CNTNAP2: variants seen among roughly 807,000 people sequenced by gnomAD.
CNTNAP2 encodes the protein contactin associated protein 2.
In CNTNAP2, 98 loss-of-function variants were observed where a neutral mutation model predicts 155.2. The observed-to-expected ratio is 0.63, with a 90% CI of 0.54 to 0.75. CNTNAP2 has a LOEUF of 0.75. CNTNAP2 is among the 30% of genes least tolerant of loss of function. The pLI is 0.00. For synonymous variants in CNTNAP2, 651 were observed against 631.2 expected, an observed-to-expected ratio of 1.03 and a Z score of -0.47; for missense variants, 1,727 against 1,688.1, an observed-to-expected ratio of 1.02 and a Z score of -0.40.
intron 13 of CNTNAP2, among the ~76,000 whole-genome samples, chr7:147,901,487 A>G (rs1799866322): frequency 6.6e-6 from 1 of 152,176 alleles, no homozygotes; most frequent in Non-Finnish European, 1.5e-5. Flanking sequence ...ATCTCTTACT[A>G]TCTACTACTG....
intron 1 of CNTNAP2, among the ~76,000 whole-genome samples, chr7:146,710,822 C>T (rs1410461386): frequency 6.6e-6 from 1 of 151,970 alleles, no homozygotes; most frequent in Non-Finnish European, 1.5e-5. Context: ...TGTCACAAGA[C>T]TGTAGGATAT....
chr7:148,406,502 G>A (rs577667723), intron 22 of CNTNAP2, among the ~76,000 whole-genome samples: 1 of 152,220 alleles, frequency 6.6e-6, no homozygotes, highest in African/African-American at 2.4e-5. Context: ...CTGCAAGCTG[G>A]GACTTCCTCA....
intron 11 of CNTNAP2, among the ~76,000 whole-genome samples, chr7:147,541,495 T>G (rs1472543887): frequency 1.3e-5 from 2 of 152,180 alleles, no homozygotes; most frequent in Non-Finnish European, 2.9e-5. Flanking sequence ...GTGAGGGAGA[T>G]AGATCACATG....
At chr7:147,344,194 T>A (rs1185218191) in intron 9 of CNTNAP2, among the ~76,000 whole-genome samples, 1 of 152,130 alleles carries the variant, frequency 6.6e-6, no homozygotes, top group Admixed American at 6.6e-5. Flanking sequence ...GTAGCGCTGA[T>A]TTAGAATCAT....
intron 14 of CNTNAP2, among the ~76,000 whole-genome samples, chr7:147,904,675 G>A (rs886600665): frequency 1.3e-5 from 2 of 152,040 alleles, no homozygotes; most frequent in Non-Finnish European, 2.9e-5. Context: ...TTCTGAGAAC[G>A]TAACTTTATA....
In CNTNAP2 at chr7:146,416,658, G is replaced by C. The variant is rs185291869; in HGVS notation, c.97+299685G>C. On this transcript the variant is annotated intron_variant, in intron 1 of 23. Transcript: ENST00000361727. ...ATTTAAAGCCATAAAATCATACAGA[G>C]GCAAAAGGACTTCTTGGAGCTCTGT... is the stretch of plus-strand genomic sequence containing the variant. Among the ~76,000 whole-genome samples the C allele has an allele frequency of 1.4e-4, 22 of 152,194 alleles. No homozygotes were observed. In the Middle Eastern group the frequency reaches 0.01, roughly 71 times the overall value.
intron 1 of CNTNAP2, among the ~76,000 whole-genome samples, chr7:146,495,346 T>G (rs1018716284): frequency 6.6e-6 from 1 of 152,314 alleles, no homozygotes; most frequent in Admixed American, 6.5e-5. Flanking sequence ...GACCACAGAA[T>G]AGAGACAATA....
chr7:146,552,619 T>C (rs1459038183), intron 1 of CNTNAP2, among the ~76,000 whole-genome samples: 1 of 152,052 alleles, frequency 6.6e-6, no homozygotes, highest in Non-Finnish European at 1.5e-5. Flanking sequence ...TCCTTCTTTC[T>C]TTCCTCCCCC....
At chr7:146,674,932 A>C (rs1800371773) in intron 1 of CNTNAP2, among the ~76,000 whole-genome samples, 1 of 152,222 alleles carries the variant, frequency 6.6e-6, no homozygotes, top group African/African-American at 2.4e-5. Context: ...CTTTACAACC[A>C]GAAAATTCAT....
intron 13 of CNTNAP2, among the ~76,000 whole-genome samples, chr7:147,880,266 T>C (rs912771109): frequency 6.6e-6 from 1 of 152,110 alleles, no homozygotes; most frequent in African/African-American, 2.4e-5. Flanking sequence ...GTGGACAAAG[T>C]TTTGTGTATG....
chr7:147,492,860 C>A (rs1186956650), intron 11 of CNTNAP2, among the ~76,000 whole-genome samples: 1 of 152,154 alleles, frequency 6.6e-6, no homozygotes, highest in Non-Finnish European at 1.5e-5. Context: ...CATCTCTCCG[C>A]CCCCGCTCCT....
chr7:147,241,758 C>A (rs941185033), intron 8 of CNTNAP2, among the ~76,000 whole-genome samples: 82 of 151,184 alleles, frequency 5.4e-4, no homozygotes, highest in Non-Finnish European at 2.1e-4. Flanking sequence ...GTTGAAACAA[C>A]TGAGAGGTGA....
At chr7:148,153,311 C>CCAAAAGGGTT (rs1204784162) in intron 17 of CNTNAP2, among the ~76,000 whole-genome samples, 1 of 150,992 alleles carries the variant, frequency 6.6e-6, no homozygotes, top group Non-Finnish European at 1.5e-5. Flanking sequence ...AGCTGTCATC[C>CCAAAAGGGTT]CAAAAGGGTT....
At chr7:147,331,779 C>T (rs541744636) in intron 9 of CNTNAP2, among the ~76,000 whole-genome samples, 26 of 152,274 alleles carry the variant, frequency 1.7e-4, no homozygotes, top group African/African-American at 6.0e-4. Flanking sequence ...TGGCCACTGG[C>T]CAGACCTTGT....
chr7:148,301,306 A>ATATATATATATATATATATATATATATAT (rs1554414674), intron 21 of CNTNAP2, among the ~76,000 whole-genome samples: 2 of 103,850 alleles, frequency 1.9e-5, no homozygotes, highest in Non-Finnish European at 3.9e-5. Flanking sequence ...AAAAAAAAAA[A>ATATATATATATATATATATATATATATAT]ATATATATAT....
At chr7:146,660,928 A>T (rs1436251116) in intron 1 of CNTNAP2, among the ~76,000 whole-genome samples, 1 of 152,150 alleles carries the variant, frequency 6.6e-6, no homozygotes, top group African/African-American at 2.4e-5. Flanking sequence ...GAGGCGGGGA[A>T]TGTGGAAGGA....
chr7:146,117,708 G>T (rs1238381681), intron 1 of CNTNAP2, among the ~76,000 whole-genome samples: 2 of 151,818 alleles, frequency 1.3e-5, no homozygotes, highest in South Asian at 2.1e-4. Flanking sequence ...GTGTGTGTTT[G>T]TGTGTGTGTG....
At chr7:146,314,935 G>A (rs1373338551) in intron 1 of CNTNAP2, among the ~76,000 whole-genome samples, 4 of 152,208 alleles carry the variant, frequency 2.6e-5, no homozygotes, top group East Asian at 3.9e-4. Flanking sequence ...CAAGCTGAGG[G>A]AGAAGGCACA....
intron 13 of CNTNAP2, among the ~76,000 whole-genome samples, chr7:147,787,599 T>C (rs369833735): frequency 1.3e-5 from 2 of 152,326 alleles, no homozygotes; most frequent in Admixed American, 6.5e-5. Flanking sequence ...TTTACCTATG[T>C]GAAGTAGTTA....
Sources: gnomAD v4.1 joint callset for allele counts (sites outside exome capture counted in the v4.1 genomes callset) on GRCh38, gnomAD v4.1.1 for gene constraint, MANE v1.5 for transcripts, NCBI Gene and HGNC (gene_info 2026-07-23, HGNC 2026-07-21) for gene names.